PRKAR1B: variants seen among roughly 807,000 people sequenced by gnomAD.
The protein encoded by PRKAR1B is cAMP-dependent protein kinase type I-beta regulatory subunit.
PRKAR1B carries 22 observed loss-of-function variants against 46.5 expected under a neutral mutation model. That is an observed-to-expected ratio of 0.47 (90% confidence interval 0.34 to 0.68). PRKAR1B has a LOEUF of 0.68. Among genes scored for constraint, PRKAR1B ranks in the 30% least tolerant of loss-of-function variants. The pLI is 0.01. For synonymous variants in PRKAR1B, 259 were observed against 217.7 expected (o/e 1.19, Z -1.67); for missense variants, 445 against 535.6 (o/e 0.83, Z 1.67).
In PRKAR1B at chr7:602,417, G is replaced by A. The variant is rs186820619; in HGVS notation, c.549+3776C>T. 3.4e-4 allele frequency: 56 copies of A among 166,688 alleles called. No individual in the cohort carries two copies. The highest frequency in any genetic ancestry group is 1.1e-3 in the Middle Eastern group (1 of 874). The allele number at this position is 166,688 out of a possible 1,614,324, so 10.3% of individuals were successfully genotyped here. Reference sequence around the variant, plus strand: ...GGAGGAGGTCCCGCCAAGGTCAGCCGGGGCAGCAACACCTCCCGGCCCCTT... The same window carrying A: ...GGAGGAGGTCCCGCCAAGGTCAGCCAGGGCAGCAACACCTCCCGGCCCCTT... On this transcript the variant is annotated intron_variant, in intron 6 of 10. Coordinates refer to ENST00000537384, the MANE Select transcript of PRKAR1B (RefSeq NM_001164760.2). The surrounding 1 kb of genome is among the most constrained non-coding windows in gnomAD (Gnocchi z 6.4).
chr7:630,172 C>G (rs556793543), intron 4 of PRKAR1B, among the ~76,000 whole-genome samples: 1 of 152,364 alleles, frequency 6.6e-6, no homozygotes, highest in South Asian at 2.1e-4. Flanking sequence ...GGCACACCCC[C>G]ACCTCCCCCT....
Position 672,157 on chromosome 7 carries a change from G to GC in PRKAR1B, c.440+5071_440+5072insG, listed in dbSNP as rs1344142578. Among the ~76,000 whole-genome samples the GC allele has an allele frequency of 2.7e-5, 4 of 146,272 alleles. No homozygotes were observed. The East Asian group carries it at 8.0e-4, about 29-fold the overall frequency. On this transcript the variant is annotated intron_variant, in intron 4 of 10. Coordinates refer to ENST00000537384, the MANE Select transcript of PRKAR1B (RefSeq NM_001164760.2). ...TCTTAAATTCTGTGGAACCGAATTT[G>GC]TTTTTTTTTTTAAGATGGAGTCTCG...
intron 4 of PRKAR1B, among the ~76,000 whole-genome samples, chr7:627,554 AC>A (rs911775091): frequency 1.3e-5 from 2 of 151,556 alleles, no homozygotes; most frequent in South Asian, 2.1e-4. Context: ...TACACGGCTG[AC>A]CCCCCCAATC....
chr7:619,688 C>T (rs1235207990), intron 4 of PRKAR1B, among the ~76,000 whole-genome samples: 1 of 152,272 alleles, frequency 6.6e-6, no homozygotes, highest in Non-Finnish European at 1.5e-5. Flanking sequence ...CCGTCCCTTC[C>T]TGCAGGGCAC....
rs1341612625 is a variant in PRKAR1B at position 648,681 on chromosome 7, C to G, written c.440+28548G>C. On this transcript the variant is annotated intron_variant, in intron 4 of 10. Coordinates refer to ENST00000537384, the MANE Select transcript of PRKAR1B (RefSeq NM_001164760.2). ...CCTGTAATCCCAGCTACTCAGGAAG[C>G]TGAGGCAGAAGAGTCACTTGAACCC... 2.0e-5 allele frequency among the ~76,000 whole-genome samples: 3 copies of G among 152,116 alleles called. No individual in the cohort carries two copies. In the East Asian group the frequency reaches 5.8e-4, roughly 29 times the overall value.
At chr7:631,137 G>T in intron 4 of PRKAR1B, among the ~76,000 whole-genome samples, 1 of 152,086 alleles carries the variant, frequency 6.6e-6, no homozygotes, top group East Asian at 1.9e-4. Flanking sequence ...TTTTAGTAGA[G>T]ACAAGGTTTC....
At position 573,229 on chromosome 7, in the gene PRKAR1B, C is replaced by G. The variant is rs936536404; in HGVS notation, c.891+6027G>C. 7.9e-5 allele frequency among the ~76,000 whole-genome samples: 12 copies of G among 152,238 alleles called. 1 individual carries two copies. The highest frequency in any genetic ancestry group is 7.2e-4 in the Admixed American group (11 of 15,292). ...GTTGCCAAGGAGACCCTTTCAAATA[C>G]ATTTTACAGCGCTATGAAAGCGATA... On this transcript the variant is annotated intron_variant, in intron 9 of 10. Transcript: ENST00000537384.
Position 673,045 on chromosome 7 carries a change from T to TAAAAAAAAAAAA in PRKAR1B, c.440+4172_440+4183dup, listed in dbSNP as rs992683667. On this transcript the variant is annotated intron_variant, in intron 4 of 10. Transcript: ENST00000537384. Reference sequence around the variant, plus strand: ...GGGTGAGAGAGTAAGGCCTTGTCTTTAAAAAAAAAAAAAAAAAAAAAAAAA... The same window carrying TAAAAAAAAAAAA: ...GGGTGAGAGAGTAAGGCCTTGTCTTTAAAAAAAAAAAAAAAAAAAAAAAAAAAAAAAAAAAAA... Among the ~76,000 whole-genome samples the TAAAAAAAAAAAA allele has an allele frequency of 6.4e-4, 17 of 26,550 alleles. 5 individuals are homozygous for TAAAAAAAAAAAA. Among genetic ancestry groups the TAAAAAAAAAAAA allele is most frequent in the East Asian group, 3.5e-3 (2 of 576 alleles). 17.4% of individuals were successfully genotyped at this position (26,550 alleles called of 152,430 possible). A position where few individuals can be genotyped will look rare whatever the true frequency, so the allele number is the denominator to read the frequency against.
intron 1 of PRKAR1B, among the ~76,000 whole-genome samples, chr7:724,941 G>A (rs1250675980): frequency 2.6e-5 from 4 of 152,232 alleles, no homozygotes; most frequent in African/African-American, 4.8e-5. Context: ...TGGGCCGGGC[G>A]TGGTGGCTCA....
intron 6 of PRKAR1B, among the ~76,000 whole-genome samples, chr7:596,729 G>C (rs1441859785): frequency 6.6e-6 from 1 of 152,256 alleles, no homozygotes; most frequent in Non-Finnish European, 1.5e-5. Flanking sequence ...TGGAGCCTGT[G>C]ATCCCCACGG....
rs114842711 is a variant in PRKAR1B at position 658,667 on chromosome 7, T to C, written c.440+18562A>G. Among the ~76,000 whole-genome samples, 204 of 152,298 alleles carry C rather than the reference T, an allele frequency of 1.3e-3. 1 individual carries two copies. The highest frequency in any genetic ancestry group is 4.5e-3 in the African/African-American group (188 of 41,574). ...AATGTTTTTTGTTTTTTGGGTTTTT[T>C]TGAGATAGAGTCTTACTCTGTTGCC... On this transcript the variant is annotated intron_variant, in intron 4 of 10. Coordinates refer to ENST00000537384, the MANE Select transcript of PRKAR1B (RefSeq NM_001164760.2).
chr7:700,939 G>A (rs1218115559), intron 2 of PRKAR1B, among the ~76,000 whole-genome samples: 3 of 152,168 alleles, frequency 2.0e-5, no homozygotes, highest in Admixed American at 1.3e-4. Flanking sequence ...TGTAATCCCA[G>A]CACTTTGGGA....
intron 4 of PRKAR1B, among the ~76,000 whole-genome samples, chr7:630,612 G>A (rs771428630): frequency 2.2e-4 from 33 of 152,186 alleles, no homozygotes; most frequent in Non-Finnish European, 3.7e-4. Context: ...AAGGCCATAC[G>A]GGTGAGGCTG....
At chr7:588,822 GTGGTGATGGTGGTGATGGTAA>G (rs1780798592) in intron 7 of PRKAR1B, among the ~76,000 whole-genome samples, 1 of 52,008 alleles carries the variant, frequency 1.9e-5, no homozygotes. Context: ...CACGATGATG[GTGGTGATGGTGGTGATGGTAA>G]TGGTGGTGAT....
intron 2 of PRKAR1B, among the ~76,000 whole-genome samples, chr7:698,400 A>ATT (rs1347014856): frequency 6.6e-6 from 1 of 152,102 alleles, no homozygotes; most frequent in African/African-American, 2.4e-5. Context: ...GCATGACTCT[A>ATT]TGTGTGCACA....
chr7:663,333 A>G (rs1785718465), intron 4 of PRKAR1B, among the ~76,000 whole-genome samples: 1 of 152,030 alleles, frequency 6.6e-6, no homozygotes, highest in South Asian at 2.1e-4. Context: ...GCCTCAAGCA[A>G]TCCTCCCACC....
rs1000122338 is a variant in PRKAR1B, at chr7:727,238, G to A, written c.-51C>T. On this transcript the variant is annotated 5_prime_UTR_variant, in exon 1 of 11. Coordinates refer to ENST00000537384, the MANE Select transcript of PRKAR1B (RefSeq NM_001164760.2). ...GACGACGCTCTGCGCGCGCTGCGCT[G>A]CTCCCTGCTCGACCCCTTCGCCGCC... The A allele has an allele frequency of 7.4e-7, 1 of 1,359,754 alleles. No homozygotes were observed. Among genetic ancestry groups the A allele is most frequent in the Non-Finnish European group, 9.5e-7 (1 of 1,057,960 alleles). 84.2% of individuals were successfully genotyped at this position (1,359,754 alleles called of 1,614,324 possible).
intron 9 of PRKAR1B, among the ~76,000 whole-genome samples, chr7:561,276 A>G (rs567593542): frequency 2.6e-4 from 38 of 148,370 alleles, no homozygotes; most frequent in South Asian, 6.3e-4. Flanking sequence ...ACGCCTGTGC[A>G]CACACACACA....
At chr7:695,671 G>GT (rs1253366619) in intron 2 of PRKAR1B, among the ~76,000 whole-genome samples, 202 of 147,168 alleles carry the variant, frequency 1.4e-3, no homozygotes, top group East Asian at 4.3e-3. Context: ...TTTGTTTTTT[G>GT]TTTTTTTTTT....
Sources: allele counts gnomAD v4.1 joint callset (sites outside exome capture counted in the v4.1 genomes callset), GRCh38; gene constraint gnomAD v4.1.1; non-coding constraint Gnocchi (gnomAD v3.1); transcripts MANE v1.5; gene names NCBI Gene and HGNC (gene_info 2026-07-23, HGNC 2026-07-21).